Variants in PRSS16 observed in about 807,000 individuals in gnomAD.
PRSS16 encodes serine protease 16.
Under a neutral mutation model 61.7 loss-of-function variants are expected in PRSS16, and 43 were observed. That is an observed-to-expected ratio of 0.70 (90% CI 0.55 to 0.90). PRSS16 has a LOEUF of 0.90. Among genes scored for constraint, PRSS16 ranks in the 40% least tolerant of loss-of-function variants. PRSS16 has a pLI of 0.00. For synonymous variants in PRSS16, 273 were observed against 285.2 expected (o/e 0.96, Z 0.43); for missense variants, 591 against 659.1 (o/e 0.90, Z 1.13).
rs535408734 is a variant in PRSS16, at chr6:27,252,635, C to CT, written c.1009-172dup. Among the ~76,000 whole-genome samples, 261 of 152,316 alleles carry CT rather than the reference C, an allele frequency of 1.7e-3. No homozygotes were observed. The highest frequency in any genetic ancestry group is 6.0e-3 in the African/African-American group (249 of 41,558). On this transcript the variant is annotated intron_variant, in intron 8 of 11. Transcript: ENST00000230582. The surrounding 1 kb of genome is among the most constrained non-coding windows in gnomAD (Gnocchi z 4.2). ...TCTCAGTCTTCTAGTGCATTGATCTCTAACTCACAAGGACCCAGGCATCCA... is the reference window on the plus strand; with the variant it reads ...TCTCAGTCTTCTAGTGCATTGATCTCTTAACTCACAAGGACCCAGGCATCCA...
rs769589835 is a variant in PRSS16, at chr6:27,251,046, C to A, written c.596C>A (p.Pro199His). 6.2e-7 allele frequency: 1 copy of A among 1,613,964 alleles called. No homozygotes were observed. Among genetic ancestry groups the A allele is most frequent in the Non-Finnish European group, 8.5e-7 (1 of 1,180,050 alleles). ...TGACGGCGTCTCCTCCCTTAGTTCC[C>A]CCATCTCATTTTCGCGTCGGTCGCC... ...SLAAWARLKF[P>H]HLIFASVASS... Residue 199 changes from proline to histidine, a missense_variant, in exon 6 of 12, where the codon CCC becomes CAC. Pro to His is a moderately conservative substitution (Grantham distance 77, BLOSUM62 -2). Coordinates refer to ENST00000230582, the MANE Select transcript of PRSS16 (RefSeq NM_005865.4). This position sits in a 1 kb window ranked among gnomAD's most constrained non-coding sequence, Gnocchi z 5.6.
In PRSS16 at chr6:27,255,270, C is replaced by G. The variant is rs747166486; in HGVS notation, c.1500C>G (p.Thr500=). ...AGAACATCTTCCAGCAGCTACAGAC[C>G]TGGCTCAAGCTGGCAAAGGAGAGCC... ...GRQNIFQQLQ[T]WLKLAKESQI... Residue 500 remains threonine (T), a synonymous_variant, in exon 12 of 12, where the codon ACC becomes ACG. Coordinates refer to ENST00000230582, the MANE Select transcript of PRSS16 (RefSeq NM_005865.4). The surrounding 1 kb of genome is among the most constrained non-coding windows in gnomAD (Gnocchi z 4.4). 16 of 1,613,054 alleles carry G rather than the reference C, an allele frequency of 9.9e-6. No homozygotes were observed. The highest frequency in any genetic ancestry group is 1.4e-5 in the Non-Finnish European group (16 of 1,179,504).
In PRSS16 at chr6:27,252,022, G is replaced by A; in HGVS notation, c.990G>A (p.Gly330=). The A allele has an allele frequency of 1.3e-6, 2 of 1,542,936 alleles. No individual in the cohort carries two copies. The highest frequency in any genetic ancestry group is 1.2e-5 in the South Asian group (1 of 83,934). The change falls in exon 8 of 12, where the codon GGG becomes GGA. Residue 330 remains glycine, a synonymous_variant. Transcript: ENST00000230582. This position sits in a 1 kb window ranked among gnomAD's most constrained non-coding sequence, Gnocchi z 4.2. ...GNRSHSTPYC[G]LRRAVQIVLH... ...GCAGCCACTCCACGCCCTACTGCGG[G>A]CTTCGTCGGGCGGTGCAGGTGAGCA... is the stretch of plus-strand genomic sequence containing the variant.
At position 27,251,326 on chromosome 6, in the gene PRSS16, A is replaced by T. The variant is rs1285414644; in HGVS notation, c.717+62A>T. On this transcript the variant is annotated intron_variant, in intron 7 of 11. Coordinates refer to ENST00000230582, the MANE Select transcript of PRSS16 (RefSeq NM_005865.4). The surrounding 1 kb of genome is among the most constrained non-coding windows in gnomAD (Gnocchi z 5.6). ...GGAAAAGAGGCCTCGGATGCCAGGG[A>T]AGAGGAGGCCAGAGAAGGGCGAAAC... is the stretch of plus-strand genomic sequence containing the variant. 2 of 1,533,156 alleles carry T rather than the reference A, an allele frequency of 1.3e-6. No homozygotes were observed. Among genetic ancestry groups the T allele is most frequent in the African/African-American group, 2.8e-5 (2 of 72,506 alleles). 95.0% of individuals were successfully genotyped at this position (1,533,156 alleles called of 1,614,324 possible). A position where few individuals can be genotyped will look rare whatever the true frequency, so the allele number is the denominator to read the frequency against.
rs371218611 is a variant in PRSS16 at position 27,248,057 on chromosome 6, G to C, written c.237+9G>C. The stretch of plus-strand genomic sequence containing the variant: ...GACGATCCTTCCTACAGGTGAGGCC[G>C]GGAGACGGGGAGTCCACTAACCATC... On this transcript the variant is annotated intron_variant, in intron 2 of 11. Coordinates refer to ENST00000230582, the MANE Select transcript of PRSS16 (RefSeq NM_005865.4). 3.1e-6 allele frequency: 5 copies of C among 1,610,148 alleles called. No homozygotes were observed. The African/African-American group carries it at 6.7e-5, about 22-fold the overall frequency.
rs1759998363 is a variant in PRSS16, at chr6:27,254,978, C to T, written c.1331-8C>T. Reference sequence around the variant, plus strand: ...TCTACCTAGCCCCATCCTATCCTTTCTTTCCAGGGGACACAGACCCCTGGC... The same window carrying T: ...TCTACCTAGCCCCATCCTATCCTTTTTTTCCAGGGGACACAGACCCCTGGC... On this transcript the variant is annotated splice_region_variant and splice_polypyrimidine_tract_variant and intron_variant, in intron 10 of 11. Coordinates refer to ENST00000230582, the MANE Select transcript of PRSS16 (RefSeq NM_005865.4). 6.2e-7 allele frequency: 1 copy of T among 1,613,024 alleles called. No homozygotes were observed. The highest frequency in any genetic ancestry group is 1.7e-5 in the Admixed American group (1 of 60,008).
At chr6:27,254,568 G>T (rs113786577) in intron 9 of PRSS16, 125 bp from the exon 10 acceptor site, 30 of 945,168 alleles carry the variant, frequency 3.2e-5, no homozygotes, top group African/African-American at 2.1e-4. Flanking sequence ...TGCCAGGACT[G>T]TAAACTCCTC....
rs1251732573 is a variant in PRSS16, at chr6:27,248,988, G to C, written c.337+42G>C. On this transcript the variant is annotated intron_variant, in intron 3 of 11. Transcript: ENST00000230582. The stretch of plus-strand genomic sequence containing the variant: ...GGGGAAAGGAGTTGGGATGCTGGTG[G>C]GGACCAGGAAGGGGAGCTGCATATT... 2.6e-6 allele frequency: 4 copies of C among 1,563,990 alleles called. No homozygotes were observed. The African/African-American group carries it at 5.4e-5, about 21-fold the overall frequency.
Position 27,251,944 on chromosome 6 carries a change from G to A in PRSS16, c.912G>A (p.Ala304=), listed in dbSNP as rs1286280553. ...GVVQYDGQTG[A]PLSVRQLCGL... is the part of the protein sequence containing the mutation. ...TGCAGTATGATGGGCAGACGGGAGC[G>A]CCGCTAAGCGTGCGACAGCTCTGCG... The change falls in exon 8 of 12, where the codon GCG becomes GCA. Residue 304 remains alanine, a synonymous_variant. Coordinates refer to ENST00000230582, the MANE Select transcript of PRSS16 (RefSeq NM_005865.4). The surrounding 1 kb of genome is among the most constrained non-coding windows in gnomAD (Gnocchi z 5.6). 1.9e-6 allele frequency: 3 copies of A among 1,611,308 alleles called. No individual in the cohort carries two copies. Among genetic ancestry groups the A allele is most frequent in the Non-Finnish European group, 2.5e-6 (3 of 1,179,134 alleles).
intron 2 of PRSS16, 113 bp from the exon 3 acceptor site, chr6:27,248,734 T>C (rs1761272146): frequency 1.5e-6 from 1 of 647,298 alleles, no homozygotes; most frequent in Non-Finnish European, 2.6e-6. Flanking sequence ...TTTCAGACAC[T>C]GTTAAGTACA....
intron 10 of PRSS16, 56 bp downstream of exon 10, chr6:27,254,928 T>G: frequency 1.9e-6 from 3 of 1,611,730 alleles, no homozygotes; most frequent in Non-Finnish European, 2.5e-6. Flanking sequence ...CAGCTCAACA[T>G]AGCCTCATCC....
In PRSS16 at chr6:27,252,385, G is replaced by C; in HGVS notation, c.1008+345G>C. 1 of 388,098 alleles carries C rather than the reference G, an allele frequency of 2.6e-6. No homozygotes were observed. The highest frequency in any genetic ancestry group is 4.6e-6 in the Non-Finnish European group (1 of 217,706). The allele number at this position is 388,098 out of a possible 1,614,324, so 24.0% of individuals were successfully genotyped here. A position where few individuals can be genotyped will look rare whatever the true frequency, so the allele number is the denominator to read the frequency against. ...ATGAATGAAAAAATGTTATCTCTGG[G>C]GATAGGGTTCTCCTAGGTACCTGGG... On this transcript the variant is annotated intron_variant, in intron 8 of 11. Coordinates refer to ENST00000230582, the MANE Select transcript of PRSS16 (RefSeq NM_005865.4). This position sits in a 1 kb window ranked among gnomAD's most constrained non-coding sequence, Gnocchi z 4.2.
In PRSS16 at chr6:27,251,015, G is replaced by C. The variant is rs1172924769; in HGVS notation, c.592-27G>C. 6.2e-7 allele frequency: 1 copy of C among 1,612,046 alleles called. No individual in the cohort carries two copies. Among genetic ancestry groups the C allele is most frequent in the African/African-American group, 1.3e-5 (1 of 74,924 alleles). ...ATATGCGATTCCAACCCCTCAGCCC[G>C]CAGGCTGACGGCGTCTCCTCCCTTA... On this transcript the variant is annotated intron_variant, in intron 5 of 11. Coordinates refer to ENST00000230582, the MANE Select transcript of PRSS16 (RefSeq NM_005865.4). The surrounding 1 kb of genome is among the most constrained non-coding windows in gnomAD (Gnocchi z 5.6).
In PRSS16 at chr6:27,252,698, C is replaced by A; in HGVS notation, c.1009-110C>A. On this transcript the variant is annotated intron_variant, in intron 8 of 11. Coordinates refer to ENST00000230582, the MANE Select transcript of PRSS16 (RefSeq NM_005865.4). This position sits in a 1 kb window ranked among gnomAD's most constrained non-coding sequence, Gnocchi z 4.2. The stretch of plus-strand genomic sequence containing the variant: ...ACTGACTCCCAGGAGAACTCAGGAA[C>A]TCACCCTTCTATTTCTGACTTTTGA... The A allele has an allele frequency of 8.1e-7, 1 of 1,231,186 alleles. No homozygotes were observed. The highest frequency in any genetic ancestry group is 1.1e-6 in the Non-Finnish European group (1 of 871,504). 76.3% of individuals were successfully genotyped at this position (1,231,186 alleles called of 1,614,324 possible).
chr6:27,255,236 C>A lies in PRSS16; in HGVS notation c.1477-11C>A. 1 of 1,614,086 alleles carries A rather than the reference C, an allele frequency of 6.2e-7. No homozygotes were observed. The highest frequency in any genetic ancestry group is 1.3e-5 in the African/African-American group (1 of 75,044). ...AAATCTGACTTTCAAATTCTTCCCA[C>A]CTCCCCACAGAACATCTTCCAGCAG... On this transcript the variant is annotated splice_polypyrimidine_tract_variant and intron_variant, in intron 11 of 11. Coordinates refer to ENST00000230582, the MANE Select transcript of PRSS16 (RefSeq NM_005865.4). This position sits in a 1 kb window ranked among gnomAD's most constrained non-coding sequence, Gnocchi z 4.4.
At chr6:27,254,670 C>G in intron 9 of PRSS16, 23 bp from the exon 10 acceptor site, 1 of 1,588,150 alleles carries the variant, frequency 6.3e-7, no homozygotes, top group Non-Finnish European at 8.6e-7. Flanking sequence ...TATACCCACA[C>G]TTACAGGTAT....
intron 9 of PRSS16, chr6:27,253,455 C>A (rs1350274662): frequency 6.7e-6 from 3 of 446,164 alleles, no homozygotes; most frequent in African/African-American, 6.1e-5. Flanking sequence ...TTCCTCTGTA[C>A]AATCCAACTT....
rs1427846977 is a variant in PRSS16, at chr6:27,251,788, G to C, written c.756G>C (p.Glu252Asp). ...TGTCCGTCGCCTTCGCTGAAGTGGAGCGGCGGCTGCGCTCGGGTGGGGCGG... is the reference window on the plus strand; with the variant it reads ...TGTCCGTCGCCTTCGCTGAAGTGGACCGGCGGCTGCGCTCGGGTGGGGCGG... ...AAVSVAFAEV[E>D]RRLRSGGAAQ... The change falls in exon 8 of 12, where the codon GAG (glutamate) becomes GAC (aspartate). Residue 252 changes from glutamate to aspartate, a missense_variant. By Grantham distance (45) the Glu-to-Asp change is conservative (BLOSUM62 2). Transcript: ENST00000230582. This position sits in a 1 kb window ranked among gnomAD's most constrained non-coding sequence, Gnocchi z 5.6. 3.1e-6 allele frequency: 5 copies of C among 1,608,994 alleles called. No individual in the cohort carries two copies. Among genetic ancestry groups the C allele is most frequent in the Non-Finnish European group, 4.2e-6 (5 of 1,179,054 alleles).
At position 27,252,023 on chromosome 6, in the gene PRSS16, C is replaced by T; in HGVS notation, c.991C>T (p.Leu331Phe). ...CAGCCACTCCACGCCCTACTGCGGG[C>T]TTCGTCGGGCGGTGCAGGTGAGCAC... ...NRSHSTPYCG[L>F]RRAVQIVLHS... Residue 331 changes from leucine (L) to phenylalanine (F), a missense_variant, in exon 8 of 12, where the codon CTT becomes TTT. Leu to Phe is a conservative substitution (Grantham distance 22). Coordinates refer to ENST00000230582, the MANE Select transcript of PRSS16 (RefSeq NM_005865.4). The surrounding 1 kb of genome is among the most constrained non-coding windows in gnomAD (Gnocchi z 4.2). The T allele has an allele frequency of 6.5e-7, 1 of 1,543,186 alleles. No homozygotes were observed. Among genetic ancestry groups the T allele is most frequent in the South Asian group, 1.2e-5 (1 of 83,944 alleles).
Sources: allele counts gnomAD v4.1 joint callset (sites outside exome capture counted in the v4.1 genomes callset), GRCh38; gene constraint gnomAD v4.1.1; non-coding constraint Gnocchi (gnomAD v3.1); transcripts MANE v1.5; gene names NCBI Gene and HGNC (gene_info 2026-07-23, HGNC 2026-07-21).